The following AMPH variants were observed in gnomAD, a reference collection of about 807,000 sequenced individuals.
The protein encoded by AMPH is amphiphysin (Stiff-Mann syndrome with breast cancer 128kD autoantigen).
In AMPH, 49 loss-of-function variants were observed where a neutral mutation model predicts 99.1. The observed-to-expected ratio is 0.49, with a 90% CI of 0.39 to 0.63. The LOEUF (loss-of-function observed/expected upper bound fraction) is 0.63. Ranked by LOEUF, AMPH falls within the 20% of genes least tolerant of loss-of-function variation. The pLI, the probability that AMPH is intolerant of heterozygous loss-of-function variation, is 0.00. For synonymous variants in AMPH, 314 were observed against 317.3 expected (o/e 0.99, Z 0.11); for missense variants, 759 against 863.4 (o/e 0.88, Z 1.52).
chr7:38,573,372 CATGT>C (rs141246749), intron 1 of AMPH, among the ~76,000 whole-genome samples: 70,489 of 151,644 alleles, frequency 0.46, 16,544 homozygotes, highest in African/African-American at 0.53. Context: ...GAAATACATA[CATGT>C]ATGTATACAC....
At chr7:38,560,127 T>C (rs1341856765) in intron 1 of AMPH, among the ~76,000 whole-genome samples, 2 of 152,216 alleles carry the variant, frequency 1.3e-5, no homozygotes, top group Non-Finnish European at 2.9e-5. Context: ...CTCTCCACCC[T>C]TGAATTTGAA....
At chr7:38,442,436 T>C (rs925795110) in intron 11 of AMPH, among the ~76,000 whole-genome samples, 3 of 152,170 alleles carry the variant, frequency 2.0e-5, no homozygotes, top group Non-Finnish European at 2.9e-5. Flanking sequence ...CTGAATCACT[T>C]CTGCCTTCAA....
chr7:38,395,592 A>G (rs1784645656), intron 17 of AMPH, among the ~76,000 whole-genome samples: 1 of 152,216 alleles, frequency 6.6e-6, no homozygotes, highest in Non-Finnish European at 1.5e-5. Context: ...GAGAAAGACT[A>G]TGTTAGAAGA....
At chr7:38,571,087 ATATATT>A (rs1486724160) in intron 1 of AMPH, among the ~76,000 whole-genome samples, 13 of 33,932 alleles carry the variant, frequency 3.8e-4, no homozygotes, top group African/African-American at 1.4e-3. Context: ...ATATATATTC[ATATATT>A]GAATATATAT....
At chr7:38,619,326 A>G (rs149906218) in intron 1 of AMPH, among the ~76,000 whole-genome samples, 128 of 152,376 alleles carry the variant, frequency 8.4e-4, no homozygotes, top group African/African-American at 2.9e-3. Context: ...TTTAATAATG[A>G]CAAAAGGTCA....
At chr7:38,410,609 T>C (rs938722712) in intron 17 of AMPH, among the ~76,000 whole-genome samples, 1 of 152,246 alleles carries the variant, frequency 6.6e-6, no homozygotes, top group African/African-American at 2.4e-5. Context: ...ATTTTTAAAG[T>C]AATACATTTT....
intron 15 of AMPH, among the ~76,000 whole-genome samples, chr7:38,423,557 T>A (rs567575822): frequency 1.3e-5 from 2 of 152,220 alleles, no homozygotes; most frequent in South Asian, 4.1e-4. Flanking sequence ...TTTTAAGGCA[T>A]CAACCTATAA....
At chr7:38,612,345 G>A (rs1793717495) in intron 1 of AMPH, among the ~76,000 whole-genome samples, 1 of 151,750 alleles carries the variant, frequency 6.6e-6, no homozygotes, top group Admixed American at 6.6e-5. Context: ...CAAAGTGCTG[G>A]GATTACAGGC....
rs910435680 is a variant in AMPH at position 38,618,177 on chromosome 7, T to C, written c.69+13106A>G. ...AGGTTAATGCAAAAGACAGTATAAA[T>C]GCATTATTGCTTATAACTCATTATG... is the stretch of plus-strand genomic sequence containing the variant. On this transcript the variant is annotated intron_variant, in intron 1 of 20. Coordinates refer to ENST00000356264, the MANE Select transcript of AMPH (RefSeq NM_001635.4). Among the ~76,000 whole-genome samples the C allele has an allele frequency of 3.3e-5, 5 of 152,148 alleles. No individual in the cohort carries two copies. The South Asian group carries it at 6.2e-4, about 19-fold the overall frequency.
At chr7:38,622,378 A>G (rs1399475927) in intron 1 of AMPH, among the ~76,000 whole-genome samples, 1 of 152,102 alleles carries the variant, frequency 6.6e-6, no homozygotes, top group African/African-American at 2.4e-5. Context: ...ACTTCACAAT[A>G]TTTCCTGTTT....
At chr7:38,550,017 GA>G (rs1193997138) in intron 1 of AMPH, among the ~76,000 whole-genome samples, 1 of 152,192 alleles carries the variant, frequency 6.6e-6, no homozygotes, top group Non-Finnish European at 1.5e-5. Flanking sequence ...AACATTGAAA[GA>G]ATGTTGTTGT....
At chr7:38,446,618 C>T (rs1414958052) in intron 11 of AMPH, among the ~76,000 whole-genome samples, 1 of 152,078 alleles carries the variant, frequency 6.6e-6, no homozygotes, top group Middle Eastern at 3.2e-3. Flanking sequence ...ATGCTGGCGC[C>T]AATGGGGAGG....
intron 16 of AMPH, chr7:38,418,163 A>T: frequency 2.5e-6 from 1 of 400,156 alleles, no homozygotes; most frequent in Non-Finnish European, 4.3e-6. Context: ...CTGCTTTACC[A>T]TCATCAAGAC....
At chr7:38,454,600 T>C (rs1412386336) in intron 11 of AMPH, among the ~76,000 whole-genome samples, 1 of 152,010 alleles carries the variant, frequency 6.6e-6, no homozygotes, top group Non-Finnish European at 1.5e-5. Context: ...GTGGGATATG[T>C]GAACCCAGGT....
chr7:38,611,175 C>T (rs1793668140), intron 1 of AMPH, among the ~76,000 whole-genome samples: 1 of 152,084 alleles, frequency 6.6e-6, no homozygotes, highest in African/African-American at 2.4e-5. Context: ...ATGGATGAAA[C>T]TTGAAATTAA....
intron 2 of AMPH, among the ~76,000 whole-genome samples, chr7:38,533,930 A>G (rs1790503286): frequency 6.6e-6 from 1 of 152,122 alleles, no homozygotes; most frequent in Non-Finnish European, 1.5e-5. Flanking sequence ...ATTCTAGCCA[A>G]TTATCCAAGC....
intron 1 of AMPH, among the ~76,000 whole-genome samples, chr7:38,560,386 T>A (rs540886297): frequency 6.6e-6 from 1 of 152,230 alleles, no homozygotes; most frequent in East Asian, 1.9e-4. Context: ...CAACCTCAGT[T>A]GATATTAGCT....
At chr7:38,424,964 C>T (rs564731713) in intron 15 of AMPH, among the ~76,000 whole-genome samples, 8 of 152,170 alleles carry the variant, frequency 5.3e-5, no homozygotes, top group South Asian at 4.1e-4. Context: ...TTGAGTGGAG[C>T]GATGGCTGTA....
intron 11 of AMPH, among the ~76,000 whole-genome samples, chr7:38,441,293 T>C (rs1309031791): frequency 6.6e-6 from 1 of 152,108 alleles, no homozygotes; most frequent in Non-Finnish European, 1.5e-5. Flanking sequence ...GACTTCAATA[T>C]TCCTCATTCA....
Sources: allele counts gnomAD v4.1 joint callset (sites outside exome capture counted in the v4.1 genomes callset), GRCh38; gene constraint gnomAD v4.1.1; transcripts MANE v1.5; gene names NCBI Gene and HGNC (gene_info 2026-07-23, HGNC 2026-07-21).